The following DNAH10 variants were observed in gnomAD, a reference collection of about 807,000 sequenced individuals.
DNAH10 encodes axonemal beta dynein heavy chain 10.
DNAH10 carries 348 observed loss-of-function variants against 506.6 expected under a neutral mutation model. The ratio of observed to expected loss-of-function variants is 0.69; its 90% CI spans 0.63 to 0.75. DNAH10 has a LOEUF of 0.75. Among genes scored for constraint, DNAH10 ranks in the 30% least tolerant of loss-of-function variants. DNAH10 has a pLI of 0.00. For synonymous variants in DNAH10, 2,059 were observed against 2,198.6 expected (o/e 0.94, Z 1.78); for missense variants, 5,179 against 5,787.1 (o/e 0.89, Z 3.41).
chr12:123,818,928 G>GT (rs773646742), intron 21 of DNAH10, 22 bp from the exon 22 acceptor site: 7 of 1,500,596 alleles, frequency 4.7e-6, no homozygotes, highest in Middle Eastern at 1.7e-4. Flanking sequence ...TGTTTATTCT[G>GT]TTTTTTGTTT....
chr12:123,902,552 G>A lies in DNAH10; in HGVS notation c.9641-387G>A, dbSNP rs373235178. Among the ~76,000 whole-genome samples the A allele has an allele frequency of 5.3e-5, 8 of 152,198 alleles. No individual in the cohort carries two copies. Among genetic ancestry groups the A allele is most frequent in the South Asian group, 2.1e-4 (1 of 4,826 alleles). The stretch of plus-strand genomic sequence containing the variant: ...TGGCTCTGGCTGGGCCCGAGTGAGC[G>A]TAGGAAGAGGCGATGAGAGGCAGAA... On this transcript the variant is annotated intron_variant, in intron 56 of 78. Transcript: ENST00000673944. This position sits in a 1 kb window ranked among gnomAD's most constrained non-coding sequence, Gnocchi z 4.5.
At chr12:123,901,096 G>T (rs569467624) in intron 56 of DNAH10, among the ~76,000 whole-genome samples, 1 of 152,284 alleles carries the variant, frequency 6.6e-6, no homozygotes, top group East Asian at 1.9e-4. Flanking sequence ...TCCAGCCCAT[G>T]CTTCTGCCTG....
At chr12:123,931,266 G>T (rs1239014501) in intron 73 of DNAH10, 75 bp from the exon 74 acceptor site, 3 of 1,575,980 alleles carry the variant, frequency 1.9e-6, no homozygotes, top group Non-Finnish European at 1.7e-6. Context: ...ATGTCTTGGA[G>T]ACTTTGAGGC....
Position 123,922,394 on chromosome 12 carries a change from G to A in DNAH10, c.11507-1369G>A, listed in dbSNP as rs1271143506. On this transcript the variant is annotated intron_variant, in intron 65 of 78. Coordinates refer to ENST00000673944, the MANE Select transcript of DNAH10 (RefSeq NM_001372106.1). ...CACCATTTCAGTTGGTTTTTGAAAA[G>A]GAGTTGGGATAAACTCAGAATGGCC... Among the ~76,000 whole-genome samples, 8 of 152,128 alleles carry A rather than the reference G, an allele frequency of 5.3e-5. No homozygotes were observed. The South Asian group carries it at 1.4e-3, about 28-fold the overall frequency.
intron 28 of DNAH10, among the ~76,000 whole-genome samples, chr12:123,837,613 G>A: frequency 6.8e-6 from 1 of 147,406 alleles, no homozygotes; most frequent in Admixed American, 6.7e-5. Flanking sequence ...GTCTTGCCTT[G>A]TTGCCCAAGC....
At position 123,916,193 on chromosome 12, in the gene DNAH10, T is replaced by G. The variant is rs1365582811; in HGVS notation, c.10723-264T>G. Among the ~76,000 whole-genome samples the G allele has an allele frequency of 1.3e-5, 2 of 152,154 alleles. No individual in the cohort carries two copies. The highest frequency in any genetic ancestry group is 2.9e-5 in the Non-Finnish European group (2 of 68,014). Reference sequence around the variant, plus strand: ...CAATTCCAACATCTACCCTCTCTCTTAAAGAGGAGGGGTTCTAGCTTACGG... The same window carrying G: ...CAATTCCAACATCTACCCTCTCTCTGAAAGAGGAGGGGTTCTAGCTTACGG... On this transcript the variant is annotated intron_variant, in intron 62 of 78. Transcript: ENST00000673944. The surrounding 1 kb of genome is among the most constrained non-coding windows in gnomAD (Gnocchi z 4.6).
Position 123,818,951 on chromosome 12 carries a change from C to T in DNAH10, c.3782C>T (p.Pro1261Leu). Residue 1261 changes from proline (P) to leucine (L), a missense_variant and splice_region_variant, in exon 22 of 79, where the codon CCT (proline) becomes CTT (leucine). Pro to Leu is a moderately conservative substitution (Grantham distance 98). Around this residue, in one of 3 missense-constraint regions of DNAH10, gnomAD observed 4,844 missense variants for 5,430.5 expected, o/e 0.89. Coordinates refer to ENST00000673944, the MANE Select transcript of DNAH10 (RefSeq NM_001372106.1). ...CTGTTTTTTGTTTCTCCTAATTAGC[C>T]TCCTGATGCAGAGAAAGAACTGGTT... is the stretch of plus-strand genomic sequence containing the variant. ...YRTMAMYNLF[P>L]PDAEKELVDK... The T allele has an allele frequency of 6.3e-7, 1 of 1,588,216 alleles. No homozygotes were observed.
chr12:123,925,073 G>A lies in DNAH10; in HGVS notation c.11790G>A (p.Glu3930=), dbSNP rs1954882413. 2 of 1,613,876 alleles carry A rather than the reference G, an allele frequency of 1.2e-6. No homozygotes were observed. Among genetic ancestry groups the A allele is most frequent in the Non-Finnish European group, 1.7e-6 (2 of 1,179,892 alleles). ...AGTGGTATGACCTGGATTCACTGGA[G>A]CAGTTTCCCGTCCCCTTGGGTTACG... is the stretch of plus-strand genomic sequence containing the variant. The part of the protein sequence containing the change: ...WQEWYDLDSL[E]QFPVPLGYDN... Residue 3930 remains glutamate (E), a synonymous_variant, in exon 68 of 79, where the codon GAG becomes GAA. Transcript: ENST00000673944. The surrounding 1 kb of genome is among the most constrained non-coding windows in gnomAD (Gnocchi z 4.0).
rs755359363 is a variant in DNAH10, at chr12:123,909,527, G to T, written c.9997+85G>T. On this transcript the variant is annotated intron_variant, in intron 58 of 78. Transcript: ENST00000673944. This position sits in a 1 kb window ranked among gnomAD's most constrained non-coding sequence, Gnocchi z 5.4. ...TGGGACAGGGATGGAGGGCAAGGAG[G>T]CTTGTCGTGGGCAGGCCCTCCCCTT... 1.4e-6 allele frequency: 2 copies of T among 1,452,812 alleles called. No individual in the cohort carries two copies. Among genetic ancestry groups the T allele is most frequent in the Admixed American group, 5.0e-5 (2 of 40,216 alleles). The allele number at this position is 1,452,812 out of a possible 1,614,324, so 90.0% of individuals were successfully genotyped here.
chr12:123,833,001 C>G, intron 26 of DNAH10, 113 bp from the exon 27 acceptor site: 1 of 741,780 alleles, frequency 1.3e-6, no homozygotes, highest in Non-Finnish European at 2.3e-6. Context: ...GAAACAGACC[C>G]AGGACTCCGA....
chr12:123,823,824 C>T (rs1308005030), intron 24 of DNAH10, among the ~76,000 whole-genome samples: 1 of 152,052 alleles, frequency 6.6e-6, no homozygotes, highest in East Asian at 1.9e-4. Context: ...CCCTGCCATG[C>T]TATCAAATAC....
chr12:123,783,004 A>G (rs1306956132), intron 6 of DNAH10, 103 bp from the exon 7 acceptor site: 1 of 1,010,780 alleles, frequency 9.9e-7, no homozygotes, highest in Non-Finnish European at 1.5e-6. Context: ...ACCTTATTAT[A>G]CTGATGAAGC....
Position 123,789,946 on chromosome 12 carries a change from A to G in DNAH10, c.1640A>G (p.Asn547Ser), listed in dbSNP as rs2136217291. 6.2e-7 allele frequency: 1 copy of G among 1,612,070 alleles called. No homozygotes were observed. Among genetic ancestry groups the G allele is most frequent in the Non-Finnish European group, 8.5e-7 (1 of 1,179,138 alleles). ...DVLQILEEFY[N>S]IFGPELKAVT... ...GGACAGATTTTGGAGGAATTTTATA[A>G]CATATTTGGTCCAGAACTAAAGGCA... Residue 547 changes from asparagine (N) to serine (S), a missense_variant, in exon 11 of 79, where the codon AAC (asparagine) becomes AGC (serine). Physicochemically the swap from Asn to Ser is conservative, Grantham distance 46. Coordinates refer to ENST00000673944, the MANE Select transcript of DNAH10 (RefSeq NM_001372106.1).
At chr12:123,904,327 G>A (rs1594335487) in intron 57 of DNAH10, among the ~76,000 whole-genome samples, 1 of 152,188 alleles carries the variant, frequency 6.6e-6, no homozygotes, top group African/African-American at 2.4e-5. Context: ...CACACCCAGC[G>A]GAGGGGTAGG....
chr12:123,902,685 A>G lies in DNAH10; in HGVS notation c.9641-254A>G, dbSNP rs1953578079. On this transcript the variant is annotated intron_variant, in intron 56 of 78. Coordinates refer to ENST00000673944, the MANE Select transcript of DNAH10 (RefSeq NM_001372106.1). This position sits in a 1 kb window ranked among gnomAD's most constrained non-coding sequence, Gnocchi z 4.5. ...TCAGGAGCCATGGGATTTGTCCTGG[A>G]TGGAGTGGGTGGGACACAGGTGGGC... Among the ~76,000 whole-genome samples the G allele has an allele frequency of 6.6e-6, 1 of 152,112 alleles. No individual in the cohort carries two copies. Among genetic ancestry groups the G allele is most frequent in the Non-Finnish European group, 1.5e-5 (1 of 68,016 alleles).
intron 24 of DNAH10, among the ~76,000 whole-genome samples, chr12:123,822,846 T>G (rs1209524259): frequency 4.6e-5 from 7 of 152,146 alleles, no homozygotes; most frequent in Admixed American, 3.9e-4. Flanking sequence ...TCCTCAGCCT[T>G]TTGTTCGATT....
Position 123,800,285 on chromosome 12 carries a change from G to A in DNAH10, c.2359G>A (p.Ala787Thr). 3 of 1,614,090 alleles carry A rather than the reference G, an allele frequency of 1.9e-6. No individual in the cohort carries two copies. The highest frequency in any genetic ancestry group is 2.5e-6 in the Non-Finnish European group (3 of 1,180,002). Residue 787 changes from alanine to threonine, a missense_variant, in exon 15 of 79, where the codon GCT becomes ACT. Physicochemically the swap from Ala to Thr is moderately conservative, Grantham distance 58. Transcript: ENST00000673944. Reference sequence around the variant, plus strand: ...TGTTTTTGCAATCAACTTTTCACCGGCTCTCAGAGAGATTATTAATGAAAC... The same window carrying A: ...TGTTTTTGCAATCAACTTTTCACCGACTCTCAGAGAGATTATTAATGAAAC... ...GAVFAINFSP[A>T]LREIINETKY...
At chr12:123,796,620 T>C (rs760054101) in intron 12 of DNAH10, 36 bp from the exon 13 acceptor site, 1 of 1,553,488 alleles carries the variant, frequency 6.4e-7, no homozygotes, top group South Asian at 1.3e-5. Context: ...CCTGGCGATG[T>C]TTATCACTTA....
Position 123,873,559 on chromosome 12 carries a change from T to C in DNAH10, c.7787T>C (p.Ile2596Thr), listed in dbSNP as rs1952120712. The change falls in exon 46 of 79, where the codon ATT becomes ACT. Residue 2596 changes from isoleucine to threonine, a missense_variant and splice_region_variant. By Grantham distance (89) the Ile-to-Thr change is moderately conservative (BLOSUM62 -1). Transcript: ENST00000673944. ...TCACATCATCTCTTTCTGCTTCAGA[T>C]TGTGTTAATGGTCAACTTCTCCTCC... ...FLKNLSEETN[I>T]VLMVNFSSRT... is the part of the protein sequence containing the mutation. 1.4e-5 allele frequency: 23 copies of C among 1,606,898 alleles called. No homozygotes were observed. The highest frequency in any genetic ancestry group is 2.2e-5 in the East Asian group (1 of 44,792).
Sources: allele counts gnomAD v4.1 joint callset (sites outside exome capture counted in the v4.1 genomes callset), GRCh38; gene constraint gnomAD v4.1.1; regional missense constraint gnomAD v4.1.1; non-coding constraint Gnocchi (gnomAD v3.1); transcripts MANE v1.5; gene names NCBI Gene and HGNC (gene_info 2026-07-23, HGNC 2026-07-21).